Variants in TNFRSF11A observed in about 807,000 individuals in gnomAD.
TNFRSF11A encodes the protein tumor necrosis factor receptor superfamily member 11A.
A neutral mutation model predicts 55.7 loss-of-function variants in TNFRSF11A; 32 were observed. The observed-to-expected ratio is 0.57, with a 90% CI of 0.43 to 0.77. The LOEUF is 0.77. TNFRSF11A is among the 30% of genes least tolerant of loss of function. The probability of loss-of-function intolerance (pLI) is 0.00; values close to 1 mark genes in which losing one functional copy is unlikely to be tolerated. For synonymous variants in TNFRSF11A, 311 were observed against 331.0 expected (o/e 0.94, Z 0.65); for missense variants, 753 against 809.8 (o/e 0.93, Z 0.85).
chr18:62,335,129 A>ATTTTTT (rs11289576), intron 1 of TNFRSF11A, among the ~76,000 whole-genome samples: 36 of 140,708 alleles, frequency 2.6e-4, no homozygotes, highest in Non-Finnish European at 3.6e-4. Flanking sequence ...TGGGGTCGGA[A>ATTTTTT]TTTTTTTTTT....
chr18:62,354,734 TTCTTC>T (rs1909125328), intron 4 of TNFRSF11A, among the ~76,000 whole-genome samples, 200 bp downstream of exon 4: 1 of 151,886 alleles, frequency 6.6e-6, no homozygotes, highest in African/African-American at 2.4e-5. Flanking sequence ...TCGGCTTAGG[TTCTTC>T]AAAGGGACTG....
chr18:62,380,214 C>T (rs1417901515), intron 9 of TNFRSF11A, among the ~76,000 whole-genome samples: 1 of 152,210 alleles, frequency 6.6e-6, no homozygotes, highest in Non-Finnish European at 1.5e-5. Flanking sequence ...AGAATTGCCA[C>T]GTATTGTGTG....
rs121908656 is a variant in TNFRSF11A at position 62,359,956 on chromosome 18, T to C, written c.523T>C (p.Cys175Arg). 6.2e-7 allele frequency: 1 copy of C among 1,613,788 alleles called. No individual in the cohort carries two copies. The highest frequency in any genetic ancestry group is 8.5e-7 in the Non-Finnish European group (1 of 1,179,690). Reference protein sequence around the residue: ...STDKCRPWTNCTFLGKRVEHH... With the variant: ...STDKCRPWTNRTFLGKRVEHH... ...ACTGAACCACCTTTTCCCCCACAGC[T>C]GTACCTTCCTTGGAAAGAGAGTAGA... Residue 175 changes from cysteine to arginine, a missense_variant and splice_region_variant, in exon 6 of 10, where the codon TGT becomes CGT. By Grantham distance (180) the Cys-to-Arg change is radical. Coordinates refer to ENST00000586569, the MANE Select transcript of TNFRSF11A (RefSeq NM_003839.4).
At chr18:62,336,257 C>T (rs1467800018) in intron 1 of TNFRSF11A, 1 of 152,224 alleles carries the variant, frequency 6.6e-6, no homozygotes, top group East Asian at 1.9e-4. Context: ...GGAATGTAGT[C>T]TCAGGCTCTG....
rs147121125 is a variant in TNFRSF11A at position 62,388,867 on chromosome 18, C to T, written c.*3833C>T. ...ACCTGCATATAAACAGATAAAAGAT[C>T]GAGTGTTCACCCTTCACCTCAGCTC... On this transcript the variant is annotated 3_prime_UTR_variant, in exon 10 of 10. Coordinates refer to ENST00000586569, the MANE Select transcript of TNFRSF11A (RefSeq NM_003839.4). The T allele has an allele frequency of 2.0e-5, 3 of 152,284 alleles. No individual in the cohort carries two copies. Among genetic ancestry groups the T allele is most frequent in the Non-Finnish European group, 2.9e-5 (2 of 68,030 alleles). 9.4% of individuals were successfully genotyped at this position (152,284 alleles called of 1,614,324 possible).
intron 5 of TNFRSF11A, 107 bp from the exon 6 acceptor site, chr18:62,359,848 G>C (rs944809914): frequency 1.1e-6 from 1 of 926,678 alleles, no homozygotes; most frequent in Non-Finnish European, 1.8e-6. Flanking sequence ...AGAAGGCGTG[G>C]GTTCCTCTCC....
Position 62,358,225 on chromosome 18 carries a change from G to A in TNFRSF11A, c.428-23G>A, listed in dbSNP as rs1469285945. On this transcript the variant is annotated intron_variant, in intron 4 of 9. Coordinates refer to ENST00000586569, the MANE Select transcript of TNFRSF11A (RefSeq NM_003839.4). ...GTTTTTTGTTTGTTCTGTCTGGGTT[G>A]TTTTTTTTTTTTTTTCTCACAGTGC... The A allele has an allele frequency of 2.7e-6, 4 of 1,461,038 alleles. No homozygotes were observed. The African/African-American group carries it at 5.9e-5, about 22-fold the overall frequency. 90.5% of individuals were successfully genotyped at this position (1,461,038 alleles called of 1,614,324 possible). A position where few individuals can be genotyped will look rare whatever the true frequency, so the allele number is the denominator to read the frequency against.
chr18:62,348,301 T>A, intron 2 of TNFRSF11A, 52 bp downstream of exon 2: 1 of 1,515,592 alleles, frequency 6.6e-7, no homozygotes, highest in Non-Finnish European at 9.2e-7. Context: ...TGGGTGAGGC[T>A]TTCATTATTT....
intron 4 of TNFRSF11A, chr18:62,357,993 C>A: frequency 2.1e-6 from 1 of 486,688 alleles, no homozygotes; most frequent in Non-Finnish European, 3.8e-6. Context: ...GTGTTAGTGG[C>A]CTGACATCAA....
intron 9 of TNFRSF11A, among the ~76,000 whole-genome samples, chr18:62,370,533 G>A (rs1215464728): frequency 6.6e-6 from 1 of 152,186 alleles, no homozygotes; most frequent in Non-Finnish European, 1.5e-5. Context: ...AGCTAGATCT[G>A]TGCCTTAAAC....
chr18:62,378,436 G>C (rs1354638119), intron 9 of TNFRSF11A, among the ~76,000 whole-genome samples: 1 of 152,168 alleles, frequency 6.6e-6, no homozygotes, highest in Non-Finnish European at 1.5e-5. Context: ...TCCAGAGAAA[G>C]TGCCCTTTCA....
intron 5 of TNFRSF11A, 80 bp from the exon 6 acceptor site, chr18:62,359,875 C>A: frequency 1.5e-6 from 2 of 1,300,010 alleles, no homozygotes; most frequent in Non-Finnish European, 2.2e-6. Context: ...AGCTGGCAAT[C>A]TGGGAGAGTT....
chr18:62,374,771 G>A (rs1910775347), intron 9 of TNFRSF11A, among the ~76,000 whole-genome samples: 1 of 152,176 alleles, frequency 6.6e-6, no homozygotes, highest in African/African-American at 2.4e-5. Flanking sequence ...GCATCATTCT[G>A]ATTATGATGG....
intron 6 of TNFRSF11A, among the ~76,000 whole-genome samples, chr18:62,360,597 C>G (rs5020891): frequency 0.86 from 130,450 of 151,996 alleles, 56,080 homozygotes; most frequent in Middle Eastern, 0.88. Flanking sequence ...CAGGCGCACA[C>G]CACCATGCCC....
chr18:62,327,841 T>C (rs1197399948), intron 1 of TNFRSF11A, among the ~76,000 whole-genome samples: 2 of 152,260 alleles, frequency 1.3e-5, no homozygotes, highest in Admixed American at 6.5e-5. Context: ...ATTATATCTC[T>C]GCCTGCTTGT....
intron 2 of TNFRSF11A, 25 bp downstream of exon 2, chr18:62,348,274 G>T: frequency 6.2e-7 from 1 of 1,602,722 alleles, no homozygotes; most frequent in East Asian, 2.2e-5. Flanking sequence ...GAGCCACCTT[G>T]CATTGCCCCT....
At chr18:62,361,596 G>A in intron 6 of TNFRSF11A, 84 bp from the exon 7 acceptor site, 1 of 1,329,648 alleles carries the variant, frequency 7.5e-7, no homozygotes, top group Non-Finnish European at 1.1e-6. Context: ...TTGATTCTGA[G>A]GTTTGATTTA....
Position 62,385,253 on chromosome 18 carries a change from A to C in TNFRSF11A, c.*219A>C. The C allele has an allele frequency of 4.3e-6, 2 of 460,764 alleles. No homozygotes were observed. The highest frequency in any genetic ancestry group is 7.3e-6 in the Non-Finnish European group (2 of 273,680). 28.5% of individuals were successfully genotyped at this position (460,764 alleles called of 1,614,324 possible). ...CCACGGATGCTCAGCAGCCCGCCGC[A>C]CTGGGGCAGATGTCTCCCCTGCCAC... On this transcript the variant is annotated 3_prime_UTR_variant, in exon 10 of 10. Transcript: ENST00000586569.
intron 1 of TNFRSF11A, among the ~76,000 whole-genome samples, chr18:62,332,332 G>A (rs2046167014): frequency 6.6e-6 from 1 of 152,194 alleles, no homozygotes; most frequent in Non-Finnish European, 1.5e-5. Context: ...AGCACAAACA[G>A]CTGGCAAGTT....
Sources: gnomAD v4.1 joint callset for allele counts (sites outside exome capture counted in the v4.1 genomes callset) on GRCh38, gnomAD v4.1.1 for gene constraint, MANE v1.5 for transcripts, NCBI Gene and HGNC (gene_info 2026-07-23, HGNC 2026-07-21) for gene names.